Variants in FGF14 observed in about 807,000 individuals in gnomAD.
FGF14 encodes fibroblast growth factor 14.
A neutral mutation model predicts 25.5 loss-of-function variants in FGF14; 5 were observed. The observed-to-expected ratio is 0.20, with a 90% CI of 0.10 to 0.41. The LOEUF is 0.41. Among genes scored for constraint, FGF14 ranks in the 10% least tolerant of loss-of-function variants. FGF14 has a pLI of 1.00. For synonymous variants in FGF14, 138 were observed against 118.3 expected, an observed-to-expected ratio of 1.17 and a Z score of -1.08; for missense variants, 222 against 320.1, an observed-to-expected ratio of 0.69 and a Z score of 2.34.
chr13:101,797,503 G>A (rs900446488), intron 3 of FGF14, among the ~76,000 whole-genome samples: 5 of 152,000 alleles, frequency 3.3e-5, no homozygotes, highest in Non-Finnish European at 2.9e-5. Context: ...GCATGAGGGA[G>A]GAGCCACAGT....
chr13:101,958,329 T>C (rs2036633184), intron 1 of FGF14, among the ~76,000 whole-genome samples: 1 of 152,234 alleles, frequency 6.6e-6, no homozygotes, highest in African/African-American at 2.4e-5. Context: ...AATCTGAAGA[T>C]GTTAAGCATG....
In FGF14 at chr13:102,090,779, A is replaced by G. The variant is rs185620412; in HGVS notation, c.209-215483T>C. On this transcript the variant is annotated intron_variant, in intron 1 of 4. Transcript: ENST00000376131. The stretch of plus-strand genomic sequence containing the variant: ...AAGATCAGTGTATGCCAACGGCGAG[A>G]TGCCTTCCTCAATGAAGTCAGAATC... Among the ~76,000 whole-genome samples, 129 of 152,332 alleles carry G rather than the reference A, an allele frequency of 8.5e-4. 2 individuals carry two copies. Among genetic ancestry groups the G allele is most frequent in the Middle Eastern group, 6.8e-3 (2 of 294 alleles).
At chr13:101,934,971 T>C (rs1328275995) in intron 1 of FGF14, among the ~76,000 whole-genome samples, 5 of 152,338 alleles carry the variant, frequency 3.3e-5, no homozygotes, top group Middle Eastern at 3.4e-3. Flanking sequence ...ACAGACACGA[T>C]ATTGTACATA....
At chr13:102,123,045 TGG>T (rs1350980624) in intron 1 of FGF14, among the ~76,000 whole-genome samples, 1 of 152,158 alleles carries the variant, frequency 6.6e-6, no homozygotes, top group African/African-American at 2.4e-5. Flanking sequence ...GATTTTAAGA[TGG>T]GCAGCATTAC....
chr13:102,390,882 A>C (rs1424363387), intron 1 of FGF14, among the ~76,000 whole-genome samples: 1 of 152,194 alleles, frequency 6.6e-6, no homozygotes, highest in African/African-American at 2.4e-5. Context: ...ATGCCCTAAA[A>C]GTCATTTAAT....
At chr13:102,067,145 A>T (rs1343635590) in intron 1 of FGF14, among the ~76,000 whole-genome samples, 1 of 152,170 alleles carries the variant, frequency 6.6e-6, no homozygotes, top group Non-Finnish European at 1.5e-5. Context: ...AAAACAAGCA[A>T]CATATATGTG....
At chr13:101,945,538 C>G (rs895658354) in intron 1 of FGF14, among the ~76,000 whole-genome samples, 7 of 152,270 alleles carry the variant, frequency 4.6e-5, no homozygotes, top group African/African-American at 1.2e-4. Context: ...TGGACCGTGG[C>G]AAGAGGCTGA....
chr13:101,995,805 T>C (rs1172818988), intron 1 of FGF14, among the ~76,000 whole-genome samples: 1 of 152,054 alleles, frequency 6.6e-6, no homozygotes, highest in East Asian at 1.9e-4. Flanking sequence ...ATCTAAACAT[T>C]AAAACAATTG....
intron 1 of FGF14, among the ~76,000 whole-genome samples, chr13:102,284,207 G>T (rs1332118889): frequency 2.6e-5 from 4 of 152,124 alleles, no homozygotes; most frequent in African/African-American, 9.7e-5. Flanking sequence ...GCATATTTCA[G>T]ATGGCATAGC....
chr13:101,844,192 C>A (rs1197065486), intron 3 of FGF14, among the ~76,000 whole-genome samples: 2 of 151,974 alleles, frequency 1.3e-5, no homozygotes, highest in Non-Finnish European at 2.9e-5. Flanking sequence ...AAAAATACAT[C>A]TTTGTATTGC....
At chr13:101,773,276 C>T (rs917180249) in intron 3 of FGF14, among the ~76,000 whole-genome samples, 1 of 152,104 alleles carries the variant, frequency 6.6e-6, no homozygotes, top group Non-Finnish European at 1.5e-5. Flanking sequence ...GCCTGATTTC[C>T]TCATTTCACA....
chr13:101,939,112 C>G (rs1175831206), intron 1 of FGF14, among the ~76,000 whole-genome samples: 2 of 152,120 alleles, frequency 1.3e-5, no homozygotes, highest in African/African-American at 4.8e-5. Context: ...TTGGAAACAT[C>G]AGAATAATTT....
At chr13:102,159,582 C>A (rs112012881) in intron 1 of FGF14, among the ~76,000 whole-genome samples, 3 of 152,196 alleles carry the variant, frequency 2.0e-5, no homozygotes, top group African/African-American at 7.2e-5. Flanking sequence ...CAGAGCTCAT[C>A]GTGCACTCTT....
intron 1 of FGF14, among the ~76,000 whole-genome samples, chr13:102,313,036 A>C (rs1415607792): frequency 6.6e-6 from 1 of 152,190 alleles, no homozygotes; most frequent in East Asian, 1.9e-4. Context: ...CCTGAGCCAC[A>C]GCCATAGGAG....
intron 1 of FGF14, among the ~76,000 whole-genome samples, chr13:101,932,475 G>A (rs1309189301): frequency 7.4e-6 from 1 of 135,068 alleles, no homozygotes. Flanking sequence ...GGAGGTTGCA[G>A]TGAGCCAAGA....
rs1555325762 is a variant in FGF14 at position 101,948,470 on chromosome 13, A to ATAT, written c.209-73175_209-73174insATA. Among the ~76,000 whole-genome samples the ATAT allele has an allele frequency of 7.3e-4, 107 of 146,062 alleles. 1 individual carries two copies. Among genetic ancestry groups the ATAT allele is most frequent in the African/African-American group, 2.6e-3 (100 of 39,026 alleles). ...CCTAGAACTTAAAGTATAATAAAAA[A>ATAT]ATATATATATATATATATAAAGAAA... On this transcript the variant is annotated intron_variant, in intron 1 of 4. Transcript: ENST00000376131.
intron 1 of FGF14, among the ~76,000 whole-genome samples, chr13:102,093,084 C>A (rs187073073): frequency 1.3e-5 from 2 of 152,192 alleles, no homozygotes; most frequent in Non-Finnish European, 2.9e-5. Context: ...TTGAACTGTA[C>A]ACATCTATTT....
intron 1 of FGF14, among the ~76,000 whole-genome samples, chr13:101,959,872 A>G (rs528981638): frequency 1.3e-5 from 2 of 152,308 alleles, no homozygotes; most frequent in East Asian, 3.9e-4. Flanking sequence ...TGCTCGGTAT[A>G]TAACACAATT....
At position 102,243,700 on chromosome 13, in the gene FGF14, T is replaced by A. The variant is rs141662170; in HGVS notation, c.208+157771A>T. ...TTTCTCTGGCCCTCGATGAAATGTA[T>A]ATAATAAGAGAGTATGACAATCCAC... On this transcript the variant is annotated intron_variant, in intron 1 of 4. Transcript: ENST00000376131. Among the ~76,000 whole-genome samples the A allele has an allele frequency of 2.1e-4, 32 of 151,120 alleles. No homozygotes were observed. The East Asian group carries it at 6.3e-3, about 30-fold the overall frequency.
Sources: gnomAD v4.1 joint callset for allele counts (sites outside exome capture counted in the v4.1 genomes callset) on GRCh38, gnomAD v4.1.1 for gene constraint, MANE v1.5 for transcripts, NCBI Gene and HGNC (gene_info 2026-07-23, HGNC 2026-07-21) for gene names.